Variants in VGLL1 observed in about 807,000 individuals in gnomAD.
VGLL1 encodes vestigial like family member 1.
VGLL1 carries 4 observed loss-of-function variants against 12.0 expected under a neutral mutation model. That is an observed-to-expected ratio of 0.33 (90% CI 0.16 to 0.76). The LOEUF (loss-of-function observed/expected upper bound fraction) is 0.76, where lower values mean the gene tolerates loss of function less well. VGLL1 is among the 30% of genes least tolerant of loss of function. The pLI is 0.60. For synonymous variants in VGLL1, 87 were observed against 81.2 expected (o/e 1.07, Z -0.39); for missense variants, 204 against 208.7 (o/e 0.98, Z 0.14).
chrX:136,542,219 A>T (rs1023561509), intron 2 of VGLL1, among the ~76,000 whole-genome samples: 1 of 111,289 alleles, frequency 9.0e-6, no homozygotes, highest in Non-Finnish European at 1.9e-5. Flanking sequence ...TTTTAAAAAA[A>T]AAAAGTGTAA....
intron 2 of VGLL1, among the ~76,000 whole-genome samples, chrX:136,546,710 G>A (rs1160463314): frequency 1.8e-5 from 2 of 112,276 alleles, no homozygotes; most frequent in African/African-American, 6.5e-5. Context: ...AGTTGTCAGG[G>A]GCTACGCTTT....
chrX:136,537,868 T>C (rs2075844586), intron 2 of VGLL1, among the ~76,000 whole-genome samples: 1 of 110,241 alleles, frequency 9.1e-6, no homozygotes, highest in Admixed American at 9.7e-5. Flanking sequence ...ACCCAGCTAG[T>C]ATTATTATCA....
intron 4 of VGLL1, chrX:136,551,071 G>T: frequency 2.0e-5 from 6 of 305,695 alleles, no homozygotes; most frequent in Middle Eastern, 9.0e-4. Flanking sequence ...ACTCTCCTTA[G>T]TTTCTTTTTT....
Position 136,550,831 on chromosome X carries a change from T to C in VGLL1, c.688+10T>C. 1 of 1,203,067 alleles carries C rather than the reference T, an allele frequency of 8.3e-7. No individual in the cohort carries two copies. Among genetic ancestry groups the C allele is most frequent in the Non-Finnish European group, 1.1e-6 (1 of 887,904 alleles). ...AGCCTTCCAAATGAAAGTAGGTATC[T>C]GGGCCAGCCTTTGATGGTGTGTGTC... On this transcript the variant is annotated intron_variant, in intron 4 of 4. Transcript: ENST00000370634.
chrX:136,540,584 G>C (rs1030945794), intron 2 of VGLL1, among the ~76,000 whole-genome samples: 4 of 111,123 alleles, frequency 3.6e-5, no homozygotes, highest in Non-Finnish European at 5.7e-5. Context: ...TTTCTTCTTA[G>C]CATTTGTCAC....
At chrX:136,540,805 C>T (rs972659080) in intron 2 of VGLL1, among the ~76,000 whole-genome samples, 2 of 111,193 alleles carry the variant, frequency 1.8e-5, no homozygotes, top group African/African-American at 6.6e-5. Flanking sequence ...TGGGGGTCAC[C>T]GTAGAGAGGG....
intron 2 of VGLL1, among the ~76,000 whole-genome samples, 169 bp from the exon 3 acceptor site, chrX:136,548,420 C>T (rs1415265788): frequency 9.0e-6 from 1 of 111,232 alleles, no homozygotes; most frequent in African/African-American, 3.3e-5. Flanking sequence ...AAACAGTACA[C>T]CTACGGAGGA....
chrX:136,534,496 T>G (rs990328255), intron 1 of VGLL1, among the ~76,000 whole-genome samples: 2 of 111,658 alleles, frequency 1.8e-5, no homozygotes, highest in East Asian at 5.6e-4. Flanking sequence ...TGTTTGTTCT[T>G]TTGCTGAGTA....
At chrX:136,554,319 A>T (rs1040344895) in intron 4 of VGLL1, among the ~76,000 whole-genome samples, 1 of 109,477 alleles carries the variant, frequency 9.1e-6, no homozygotes, top group South Asian at 4.1e-4. Flanking sequence ...ATTAGGGCAG[A>T]GATGGAGGGA....
intron 1 of VGLL1, among the ~76,000 whole-genome samples, chrX:136,534,071 C>T (rs139359587): frequency 0.01 from 1,170 of 112,691 alleles, 13 homozygotes; most frequent in African/African-American, 0.034. Context: ...CCATGCTTCT[C>T]ATTGCTTTAT....
chrX:136,541,213 G>T (rs1352727267), intron 2 of VGLL1, among the ~76,000 whole-genome samples: 2 of 111,892 alleles, frequency 1.8e-5, no homozygotes, highest in Non-Finnish European at 3.8e-5. Flanking sequence ...TGAAACCCCT[G>T]CCTGCTGAGG....
In VGLL1 at chrX:136,548,775, C is replaced by T; in HGVS notation, c.401C>T (p.Ser134Phe). ...SVRPGELWHFSSLAGTSSLEP... is the reference protein window; with the variant it reads ...SVRPGELWHFFSLAGTSSLEP... ...CGGCCTGGGGAGCTGTGGCATTTCT[C>T]CTCCCTGGCGGGCACCAGCTCCTTA... The change falls in exon 3 of 5, where the codon TCC becomes TTC. Residue 134 changes from serine to phenylalanine, a missense_variant. Coordinates refer to ENST00000370634, the MANE Select transcript of VGLL1 (RefSeq NM_016267.4). 8.2e-7 allele frequency: 1 copy of T among 1,212,132 alleles called. No individual in the cohort carries two copies.
chrX:136,540,559 T>C (rs1489613361), intron 2 of VGLL1, among the ~76,000 whole-genome samples: 1 of 111,592 alleles, frequency 9.0e-6, no homozygotes, highest in Non-Finnish European at 1.9e-5. Context: ...GTCTGTCTTC[T>C]TACCCTGCTT....
At chrX:136,552,673 A>G (rs778952770) in intron 4 of VGLL1, among the ~76,000 whole-genome samples, 49 of 112,300 alleles carry the variant, frequency 4.4e-4, no homozygotes, top group African/African-American at 1.4e-3. Context: ...GAATGAATGA[A>G]TATCCCCATT....
chrX:136,550,152 T>C (rs2075881691), intron 3 of VGLL1, among the ~76,000 whole-genome samples: 1 of 112,649 alleles, frequency 8.9e-6, no homozygotes, highest in Non-Finnish European at 1.9e-5. Flanking sequence ...CATAGAAGTG[T>C]CATGTTTGGG....
At chrX:136,545,163 T>C (rs1418037758) in intron 2 of VGLL1, among the ~76,000 whole-genome samples, 2 of 112,171 alleles carry the variant, frequency 1.8e-5, no homozygotes, top group Admixed American at 9.4e-5. Flanking sequence ...CAGTGTCACA[T>C]AGCTAGGAAG....
At chrX:136,540,908 TCTC>T (rs949387952) in intron 2 of VGLL1, among the ~76,000 whole-genome samples, 2 of 111,807 alleles carry the variant, frequency 1.8e-5, no homozygotes, top group Non-Finnish European at 3.8e-5. Context: ...ACATATCACT[TCTC>T]CTCTCTGTGC....
chrX:136,554,412 G>A (rs771281768), intron 4 of VGLL1, among the ~76,000 whole-genome samples: 1 of 110,881 alleles, frequency 9.0e-6, no homozygotes, highest in Admixed American at 9.6e-5. Context: ...CAGGAGTGGA[G>A]TAAGAAAGGA....
At chrX:136,549,989 C>T (rs895277480) in intron 3 of VGLL1, among the ~76,000 whole-genome samples, 6 of 112,223 alleles carry the variant, frequency 5.3e-5, no homozygotes, top group Non-Finnish European at 1.9e-5. Flanking sequence ...CATCTTTACA[C>T]TGAACTAAGC....
Sources: allele counts gnomAD v4.1 joint callset (sites outside exome capture counted in the v4.1 genomes callset), GRCh38; gene constraint gnomAD v4.1.1; transcripts MANE v1.5; gene names NCBI Gene and HGNC (gene_info 2026-07-23, HGNC 2026-07-21).